NEBL: variants seen among roughly 807,000 people sequenced by gnomAD.
The protein encoded by NEBL is LIM and SH3 protein 2.
A neutral mutation model predicts 140.2 loss-of-function variants in NEBL; 122 were observed. That is an observed-to-expected ratio of 0.87 (90% confidence interval 0.75 to 1.01). The LOEUF is 1.01. Among genes scored for constraint, NEBL ranks in the 50% least tolerant of loss-of-function variants. The pLI, the probability that NEBL is intolerant of heterozygous loss-of-function variation, is 0.00. For missense variants in NEBL, 1,365 were observed against 1,231.3 expected, an observed-to-expected ratio of 1.11 and a Z score of -1.62; for synonymous variants, 436 against 398.9, an observed-to-expected ratio of 1.09 and a Z score of -1.11.
intron 2 of NEBL, among the ~76,000 whole-genome samples, chr10:21,025,629 T>C (rs1589148097): frequency 6.6e-6 from 1 of 152,136 alleles, no homozygotes; most frequent in Non-Finnish European, 1.5e-5. Context: ...AGAACATGAC[T>C]GGGGAGAGCG....
intron 3 of NEBL, among the ~76,000 whole-genome samples, chr10:21,015,039 T>A (rs1838498649): frequency 6.6e-6 from 1 of 152,012 alleles, no homozygotes; most frequent in Non-Finnish European, 1.5e-5. Flanking sequence ...AAATTACACA[T>A]ACTCCATTTA....
intron 2 of NEBL, among the ~76,000 whole-genome samples, chr10:21,067,082 C>T (rs1027201927): frequency 1.3e-5 from 2 of 149,726 alleles, no homozygotes; most frequent in African/African-American, 4.9e-5. Flanking sequence ...ACGCCATTCC[C>T]CTGCCTCAGC....
At chr10:21,263,674 G>A (rs1020681866) in intron 1 of NEBL, among the ~76,000 whole-genome samples, 2 of 152,124 alleles carry the variant, frequency 1.3e-5, no homozygotes, top group South Asian at 2.1e-4. Flanking sequence ...AAGCAAAAGC[G>A]GTTAAACTGG....
intron 1 of NEBL, among the ~76,000 whole-genome samples, chr10:21,289,252 T>C (rs940287582): frequency 3.9e-5 from 6 of 152,080 alleles, no homozygotes; most frequent in Non-Finnish European, 8.8e-5. Flanking sequence ...ATGAGGGCCT[T>C]ACAGCTGCAG....
intron 3 of NEBL, among the ~76,000 whole-genome samples, chr10:21,212,768 C>A (rs1449511335): frequency 6.6e-6 from 1 of 152,188 alleles, no homozygotes; most frequent in Non-Finnish European, 1.5e-5. Context: ...TTTTGAAATA[C>A]TTGCCACTTT....
At chr10:21,244,613 C>T (rs957539738) in intron 3 of NEBL, among the ~76,000 whole-genome samples, 1 of 151,678 alleles carries the variant, frequency 6.6e-6, no homozygotes, top group African/African-American at 2.4e-5. Flanking sequence ...GATTGCACCA[C>T]TGCACTCCAG....
intron 2 of NEBL, among the ~76,000 whole-genome samples, chr10:21,105,448 G>T (rs541647075): frequency 6.6e-6 from 1 of 151,766 alleles, no homozygotes; most frequent in Non-Finnish European, 1.5e-5. Flanking sequence ...TTGGTTTTCT[G>T]TCCTTGTGAT....
intron 3 of NEBL, among the ~76,000 whole-genome samples, chr10:21,202,032 A>G (rs1166066061): frequency 5.9e-5 from 9 of 152,104 alleles, no homozygotes; most frequent in African/African-American, 2.2e-4. Context: ...CTGATTTCCT[A>G]TCGTGATACA....
chr10:21,235,472 G>A (rs1235319478), intron 3 of NEBL, among the ~76,000 whole-genome samples: 2 of 152,086 alleles, frequency 1.3e-5, no homozygotes, highest in Non-Finnish European at 2.9e-5. Flanking sequence ...CTGAGACCAC[G>A]CCCAGCTAAT....
intron 2 of NEBL, chr10:21,113,416 A>G (rs1838139643): frequency 4.7e-6 from 2 of 422,188 alleles, no homozygotes; most frequent in Admixed American, 2.9e-5. Context: ...AGTGGAAGCC[A>G]AGTTCATCAA....
At chr10:20,893,970 C>T (rs975931018) in intron 2 of NEBL, among the ~76,000 whole-genome samples, 1 of 152,214 alleles carries the variant, frequency 6.6e-6, no homozygotes, top group African/African-American at 2.4e-5. Context: ...AGAAACTCTT[C>T]ATAGCATCAT....
chr10:20,867,297 T>TA (rs1293081970), intron 7 of NEBL, among the ~76,000 whole-genome samples: 3 of 152,134 alleles, frequency 2.0e-5, no homozygotes, highest in Non-Finnish European at 4.4e-5. Context: ...ACCAACAGAA[T>TA]AGTACGTCTT....
chr10:21,275,567 C>A (rs1842910288), intron 1 of NEBL, among the ~76,000 whole-genome samples: 1 of 152,122 alleles, frequency 6.6e-6, no homozygotes. Context: ...CTCTGCAAAA[C>A]CTACTTGCAC....
At chr10:20,892,583 A>C (rs947106190) in intron 2 of NEBL, among the ~76,000 whole-genome samples, 1 of 152,136 alleles carries the variant, frequency 6.6e-6, no homozygotes, top group Non-Finnish European at 1.5e-5. Context: ...ACAACCCAAC[A>C]CCAAAAGACA....
At chr10:20,971,681 T>A (rs972239240) in intron 3 of NEBL, among the ~76,000 whole-genome samples, 1 of 147,210 alleles carries the variant, frequency 6.8e-6, no homozygotes, top group East Asian at 2.2e-4. Flanking sequence ...TGGCGCAATC[T>A]CGGCTCAATG....
At chr10:21,036,420 C>G (rs1055819655) in intron 2 of NEBL, among the ~76,000 whole-genome samples, 1 of 152,006 alleles carries the variant, frequency 6.6e-6, no homozygotes, top group Admixed American at 6.6e-5. Context: ...CACCTCTGCA[C>G]TCCAGTCTGG....
chr10:21,071,842 G>T (rs565709407), intron 2 of NEBL, among the ~76,000 whole-genome samples: 1 of 152,032 alleles, frequency 6.6e-6, no homozygotes, highest in East Asian at 1.9e-4. Context: ...TTTTTGAGAT[G>T]GAGTCTCACT....
chr10:21,010,605 C>CAAA (rs34685634), intron 3 of NEBL, among the ~76,000 whole-genome samples: 8 of 147,902 alleles, frequency 5.4e-5, no homozygotes, highest in East Asian at 4.0e-4. Context: ...CAAAGCCATT[C>CAAA]AAAAAAAAAT....
chr10:21,081,334 G>C (rs1181654894), intron 2 of NEBL, among the ~76,000 whole-genome samples: 5 of 152,322 alleles, frequency 3.3e-5, no homozygotes, highest in African/African-American at 1.2e-4. Context: ...GCTTTCATGG[G>C]AAGCAGGGGA....
Sources: allele counts gnomAD v4.1 joint callset (sites outside exome capture counted in the v4.1 genomes callset), GRCh38; gene constraint gnomAD v4.1.1; transcripts MANE v1.5; gene names NCBI Gene and HGNC (gene_info 2026-07-23, HGNC 2026-07-21).